The following SV2C variants were observed in gnomAD, a reference collection of about 807,000 sequenced individuals.
The protein encoded by SV2C is synaptic vesicle glycoprotein 2C.
In SV2C, 49 loss-of-function variants were observed where a neutral mutation model predicts 79.7. The observed-to-expected ratio is 0.61, with a 90% confidence interval of 0.49 to 0.78. The LOEUF (loss-of-function observed/expected upper bound fraction) is 0.78, where lower values mean the gene tolerates loss of function less well. Among genes scored for constraint, SV2C ranks in the 30% least tolerant of loss-of-function variants. The pLI is 0.00. For missense variants in SV2C, 833 were observed against 912.9 expected, an observed-to-expected ratio of 0.91 and a Z score of 1.13; for synonymous variants, 334 against 333.2, an observed-to-expected ratio of 1.00 and a Z score of -0.03.
chr5:75,993,156 CTAA>C, the SV2C span, among the ~76,000 whole-genome samples: 3 of 151,878 alleles, frequency 2.0e-5, no homozygotes, highest in African/African-American at 7.3e-5. Flanking sequence ...CTCAATATGT[CTAA>C]TATTTTAAAT....
chr5:76,114,796 A>G (rs534545776), intron 1 of SV2C, among the ~76,000 whole-genome samples: 26 of 152,346 alleles, frequency 1.7e-4, no homozygotes, highest in African/African-American at 6.3e-4. Flanking sequence ...GGCATGACCA[A>G]CTTAGGTTTC....
the SV2C span, among the ~76,000 whole-genome samples, chr5:75,953,680 A>G: frequency 3.9e-5 from 6 of 151,930 alleles, no homozygotes; most frequent in Non-Finnish European, 5.9e-5. Flanking sequence ...ATGACAAATG[A>G]TATATGAGTG....
At chr5:76,172,380 AGCCCCTCTGCCCG>A in intron 2 of SV2C, among the ~76,000 whole-genome samples, 3 of 62,178 alleles carry the variant, frequency 4.8e-5, no homozygotes, top group Admixed American at 1.7e-4. Flanking sequence ...GGAAGTGAGG[AGCCCCTCTGCCCG>A]GCCAGCCGCC....
the SV2C span, among the ~76,000 whole-genome samples, chr5:75,897,909 C>T: frequency 6.6e-6 from 1 of 151,894 alleles, no homozygotes; most frequent in Non-Finnish European, 1.5e-5. Flanking sequence ...GATTTTTGTA[C>T]ATTGATTTTG....
At chr5:76,016,669 A>G in the SV2C span, among the ~76,000 whole-genome samples, 3 of 152,210 alleles carry the variant, frequency 2.0e-5, no homozygotes, top group Admixed American at 6.6e-5. Flanking sequence ...GTAAAACAAC[A>G]TAAAGCATCC....
At chr5:75,911,540 C>T in the SV2C span, 1 of 668,932 alleles carries the variant, frequency 1.5e-6, no homozygotes. Flanking sequence ...GGGACTGAGA[C>T]TCCAAGTCCT....
intron 1 of SV2C, among the ~76,000 whole-genome samples, chr5:76,110,785 A>T (rs185677963): frequency 1.3e-5 from 2 of 152,310 alleles, no homozygotes; most frequent in African/African-American, 4.8e-5. Flanking sequence ...GGGATGAAAC[A>T]TATTGGAAAG....
intron 4 of SV2C, among the ~76,000 whole-genome samples, chr5:76,210,318 A>G (rs1744732089): frequency 6.6e-6 from 1 of 152,204 alleles, no homozygotes; most frequent in Non-Finnish European, 1.5e-5. Context: ...TTGTAAGTCC[A>G]GGCCTCTGGA....
intron 2 of SV2C, among the ~76,000 whole-genome samples, chr5:76,133,559 G>T (rs184423953): frequency 5.3e-5 from 8 of 152,158 alleles, no homozygotes; most frequent in African/African-American, 1.9e-4. Context: ...CCCACTCCTA[G>T]TATTTGTTTC....
the SV2C span, among the ~76,000 whole-genome samples, chr5:76,071,217 C>A: frequency 6.6e-6 from 1 of 152,166 alleles, no homozygotes; most frequent in Non-Finnish European, 1.5e-5. Flanking sequence ...TTGGAATTGA[C>A]AATAACCTAG....
the SV2C span, among the ~76,000 whole-genome samples, chr5:75,977,544 A>G: frequency 1.8e-4 from 28 of 152,076 alleles, no homozygotes; most frequent in Non-Finnish European, 3.2e-4. Flanking sequence ...ATTTGTTGAA[A>G]TTTTGTTTTT....
the SV2C span, among the ~76,000 whole-genome samples, chr5:75,872,345 C>T: frequency 4.6e-5 from 7 of 151,962 alleles, no homozygotes; most frequent in African/African-American, 1.7e-4. Flanking sequence ...TTTATAACTT[C>T]TTGAAATTAA....
At chr5:75,848,118 G>T in the SV2C span, among the ~76,000 whole-genome samples, 1 of 152,202 alleles carries the variant, frequency 6.6e-6, no homozygotes, top group Non-Finnish European at 1.5e-5. Flanking sequence ...GAGCTGGAAC[G>T]CCTCCCAGGA....
At chr5:75,876,718 T>TGGG in the SV2C span, among the ~76,000 whole-genome samples, 1 of 152,110 alleles carries the variant, frequency 6.6e-6, no homozygotes, top group Non-Finnish European at 1.5e-5. Flanking sequence ...GAGTAATGTG[T>TGGG]CTATGTATCA....
the SV2C span, among the ~76,000 whole-genome samples, chr5:75,868,406 T>C: frequency 1.3e-5 from 2 of 152,272 alleles, no homozygotes; most frequent in South Asian, 4.1e-4. Context: ...TTCTCTTAAA[T>C]GAGCACTCGG....
chr5:75,955,071 G>A, the SV2C span, among the ~76,000 whole-genome samples: 1 of 143,220 alleles, frequency 7.0e-6, no homozygotes, highest in Non-Finnish European at 1.5e-5. Flanking sequence ...AACCAAAAAA[G>A]AGCCCACATC....
chr5:76,001,788 A>C, the SV2C span, among the ~76,000 whole-genome samples: 1 of 152,060 alleles, frequency 6.6e-6, no homozygotes, highest in East Asian at 1.9e-4. Flanking sequence ...CCCCCAGCCC[A>C]GTCATGAACC....
intron 12 of SV2C, among the ~76,000 whole-genome samples, chr5:76,340,914 G>C (rs918101821): frequency 5.0e-5 from 7 of 140,540 alleles, no homozygotes; most frequent in South Asian, 2.3e-4. Context: ...ACCTGGCCTA[G>C]TTTTACAAAA....
intron 4 of SV2C, among the ~76,000 whole-genome samples, chr5:76,222,591 C>A (rs1199469706): frequency 6.6e-6 from 1 of 152,182 alleles, no homozygotes; most frequent in Non-Finnish European, 1.5e-5. Context: ...ACTATATACA[C>A]ACATTGCACT....
Sources: allele counts gnomAD v4.1 joint callset (sites outside exome capture counted in the v4.1 genomes callset), GRCh38; gene constraint gnomAD v4.1.1; transcripts MANE v1.5; gene names NCBI Gene and HGNC (gene_info 2026-07-23, HGNC 2026-07-21).